AKAP19: variants seen among roughly 807,000 people sequenced by gnomAD.
AKAP19 encodes A-kinase anchoring protein 19.
At chr2:190,194,392 A>T in the AKAP19 span, among the ~76,000 whole-genome samples, 17 of 151,440 alleles carry the variant, frequency 1.1e-4, 1 homozygote, top group East Asian at 5.8e-4. Flanking sequence ...TGTATTTTTT[A>T]AAAAAATAAT....
At chr2:190,161,144 G>C in the AKAP19 span, among the ~76,000 whole-genome samples, 1 of 152,070 alleles carries the variant, frequency 6.6e-6, no homozygotes, top group East Asian at 1.9e-4. Context: ...AATATACATA[G>C]TGGAAAGAGG....
chr2:189,989,522 G>A, the AKAP19 span, among the ~76,000 whole-genome samples: 1 of 151,808 alleles, frequency 6.6e-6, no homozygotes, highest in Non-Finnish European at 1.5e-5. Context: ...ACAAAATAAG[G>A]TAGTTATATT....
At chr2:189,937,527 G>T in the AKAP19 span, among the ~76,000 whole-genome samples, 4 of 151,842 alleles carry the variant, frequency 2.6e-5, no homozygotes, top group African/African-American at 4.8e-5. Context: ...TAGAATCACA[G>T]GGAAATCAAG....
the AKAP19 span, chr2:190,090,991 G>A: frequency 6.6e-6 from 1 of 152,276 alleles, no homozygotes; most frequent in South Asian, 2.1e-4. Context: ...AAATTTTGTT[G>A]TAATAAATGA....
At chr2:190,015,063 A>G in the AKAP19 span, among the ~76,000 whole-genome samples, 3 of 152,180 alleles carry the variant, frequency 2.0e-5, no homozygotes, top group Non-Finnish European at 1.5e-5. Context: ...ATGCACATGC[A>G]AGCTGTCGGT....
At chr2:190,132,021 A>G in the AKAP19 span, among the ~76,000 whole-genome samples, 1 of 152,226 alleles carries the variant, frequency 6.6e-6, no homozygotes, top group Non-Finnish European at 1.5e-5. Flanking sequence ...ATTTCTTTAT[A>G]CTAACAACGA....
chr2:189,887,427 G>A, the AKAP19 span, among the ~76,000 whole-genome samples: 2,762 of 152,192 alleles, frequency 0.018, 135 homozygotes, highest in East Asian at 0.19. Flanking sequence ...TGACAGTGCC[G>A]CAATAAACCT....
At chr2:190,199,562 T>G in the AKAP19 span, 3 of 324,194 alleles carry the variant, frequency 9.3e-6, no homozygotes, top group Non-Finnish European at 1.6e-5. Context: ...CTTCTACTGA[T>G]AAGATAAAGC....
At chr2:189,987,236 G>A in the AKAP19 span, among the ~76,000 whole-genome samples, 1 of 152,148 alleles carries the variant, frequency 6.6e-6, no homozygotes, top group African/African-American at 2.4e-5. Context: ...TTATGAGGGG[G>A]TTTCTGCTTT....
the AKAP19 span, among the ~76,000 whole-genome samples, chr2:189,931,369 T>C: frequency 2.0e-5 from 3 of 152,176 alleles, no homozygotes; most frequent in Admixed American, 1.3e-4. Flanking sequence ...ATTGTTATTA[T>C]TATTATTTTG....
chr2:190,107,316 G>A, the AKAP19 span, among the ~76,000 whole-genome samples: 7 of 152,148 alleles, frequency 4.6e-5, no homozygotes, highest in African/African-American at 1.7e-4. Flanking sequence ...TCACTGGCTT[G>A]CTAAGATAAT....
At chr2:189,949,556 G>C in the AKAP19 span, among the ~76,000 whole-genome samples, 110 of 144,708 alleles carry the variant, frequency 7.6e-4, no homozygotes, top group Non-Finnish European at 5.8e-4. Context: ...GATCTACACA[G>C]TTCAAATCTG....
At chr2:190,031,015 A>G in the AKAP19 span, among the ~76,000 whole-genome samples, 1 of 152,212 alleles carries the variant, frequency 6.6e-6, no homozygotes, top group African/African-American at 2.4e-5. Flanking sequence ...TGGCTTGTGC[A>G]AATGGGGTAT....
chr2:190,034,560 A>AAAAT, the AKAP19 span, among the ~76,000 whole-genome samples: 1 of 148,840 alleles, frequency 6.7e-6, no homozygotes, highest in Non-Finnish European at 1.5e-5. Flanking sequence ...AAAAAAAAAA[A>AAAAT]TTGGCCAGGC....
chr2:190,044,771 A>C, the AKAP19 span, among the ~76,000 whole-genome samples: 17 of 152,150 alleles, frequency 1.1e-4, no homozygotes, highest in African/African-American at 3.9e-4. Context: ...CAGTACCTGG[A>C]GATATTACCA....
the AKAP19 span, among the ~76,000 whole-genome samples, chr2:189,903,761 A>C: frequency 6.6e-6 from 1 of 151,970 alleles, no homozygotes; most frequent in Non-Finnish European, 1.5e-5. Context: ...TATAGTACCC[A>C]ATAAGTAGTT....
the AKAP19 span, among the ~76,000 whole-genome samples, chr2:189,938,602 T>C: frequency 6.6e-6 from 1 of 152,126 alleles, no homozygotes; most frequent in African/African-American, 2.4e-5. Context: ...GGATGGTTAA[T>C]GGTTACAAAA....
At chr2:190,074,128 G>A in the AKAP19 span, among the ~76,000 whole-genome samples, 1 of 151,408 alleles carries the variant, frequency 6.6e-6, no homozygotes, top group African/African-American at 2.4e-5. Context: ...TGTGTATTAA[G>A]AGCTTAACCC....
the AKAP19 span, among the ~76,000 whole-genome samples, chr2:190,099,702 T>A: frequency 6.6e-6 from 1 of 152,170 alleles, no homozygotes; most frequent in Non-Finnish European, 1.5e-5. Flanking sequence ...CACGATAAAG[T>A]GAAATGCAAT....
Sources: allele counts gnomAD v4.1 joint callset (sites outside exome capture counted in the v4.1 genomes callset), GRCh38; gene constraint gnomAD v4.1.1; transcripts MANE v1.5; gene names NCBI Gene and HGNC (gene_info 2026-07-23, HGNC 2026-07-21).